Variants in WNK2 observed in about 807,000 individuals in gnomAD.
The protein encoded by WNK2 is WNK lysine deficient protein kinase 2.
WNK2 carries 67 observed loss-of-function variants against 192.1 expected under a neutral mutation model. That is an observed-to-expected ratio of 0.35 (90% CI 0.29 to 0.43). The LOEUF is 0.43. Among genes scored for constraint, WNK2 ranks in the 20% least tolerant of loss-of-function variants. WNK2 has a pLI of 1.00. For synonymous variants in WNK2, 1,439 were observed against 1,393.9 expected, an observed-to-expected ratio of 1.03 and a Z score of -0.72; for missense variants, 2,698 against 3,089.7, an observed-to-expected ratio of 0.87 and a Z score of 3.01.
At chr9:93,214,195 T>C (rs1044019342) in intron 2 of WNK2, among the ~76,000 whole-genome samples, 2 of 152,226 alleles carry the variant, frequency 1.3e-5, no homozygotes, top group African/African-American at 4.8e-5. Flanking sequence ...GCTGTCTCTG[T>C]CTAAAGAGTC....
chr9:93,247,900 G>A lies in WNK2; in HGVS notation c.1834+66G>A. The A allele has an allele frequency of 6.8e-7, 1 of 1,480,246 alleles. No individual in the cohort carries two copies. The highest frequency in any genetic ancestry group is 9.0e-7 in the Non-Finnish European group (1 of 1,115,386). 91.7% of individuals were successfully genotyped at this position (1,480,246 alleles called of 1,614,324 possible). A position where few individuals can be genotyped will look rare whatever the true frequency, so the allele number is the denominator to read the frequency against. ...ACCTACCCTGCAAAAACCAGCTATTGGGCAAAGAAAAATGAAGTCCTCTCC... is the reference window on the plus strand; with the variant it reads ...ACCTACCCTGCAAAAACCAGCTATTAGGCAAAGAAAAATGAAGTCCTCTCC... On this transcript the variant is annotated intron_variant, in intron 8 of 29. Transcript: ENST00000427277. The surrounding 1 kb of genome is among the most constrained non-coding windows in gnomAD (Gnocchi z 5.2).
chr9:93,308,872 A>G, intron 28 of WNK2: 1 of 1,313,282 alleles, frequency 7.6e-7, no homozygotes, highest in Non-Finnish European at 9.7e-7. Flanking sequence ...CAGCCTGGGC[A>G]GCCCAAGCCC....
At chr9:93,291,541 G>A (rs746277483) in intron 21 of WNK2, among the ~76,000 whole-genome samples, 2 of 152,294 alleles carry the variant, frequency 1.3e-5, no homozygotes, top group South Asian at 2.1e-4. Flanking sequence ...TTGGGGACAC[G>A]TGACAGGGAC....
At chr9:93,264,168 T>C (rs1844801407) in intron 16 of WNK2, 135 bp downstream of exon 16, 4 of 682,146 alleles carry the variant, frequency 5.9e-6, no homozygotes, top group Admixed American at 4.4e-5. Context: ...TTCGGGACAG[T>C]GCTGACCTTT....
At position 93,247,045 on chromosome 9, in the gene WNK2, C is replaced by T. The variant is rs1220158814; in HGVS notation, c.1543-498C>T. On this transcript the variant is annotated intron_variant, in intron 7 of 29. Transcript: ENST00000427277. This position sits in a 1 kb window ranked among gnomAD's most constrained non-coding sequence, Gnocchi z 5.2. ...ATCAGTTTTAAAATTTGCCAGGCAT[C>T]AGTGCATACCTTACTGGTCCCTAAT... Among the ~76,000 whole-genome samples the T allele has an allele frequency of 6.6e-6, 1 of 152,230 alleles. No individual in the cohort carries two copies. Among genetic ancestry groups the T allele is most frequent in the Non-Finnish European group, 1.5e-5 (1 of 68,042 alleles).
intron 2 of WNK2, among the ~76,000 whole-genome samples, chr9:93,212,930 TC>T (rs1299523566): frequency 1.3e-5 from 2 of 152,212 alleles, no homozygotes; most frequent in African/African-American, 2.4e-5. Flanking sequence ...TTGGGGCTGT[TC>T]CCACCTTTTG....
At chr9:93,295,609 A>G (rs1336455058) in intron 23 of WNK2, among the ~76,000 whole-genome samples, 2 of 151,888 alleles carry the variant, frequency 1.3e-5, no homozygotes, top group Non-Finnish European at 2.9e-5. Context: ...GCCTCCAGCC[A>G]GGGCCCCTGG....
intron 28 of WNK2, among the ~76,000 whole-genome samples, chr9:93,310,007 A>G (rs1236234351): frequency 6.6e-6 from 1 of 152,242 alleles, no homozygotes; most frequent in African/African-American, 2.4e-5. Context: ...GCACTGTGGT[A>G]GGAGAGCAGA....
chr9:93,210,233 G>A (rs1253242105), intron 2 of WNK2, among the ~76,000 whole-genome samples: 2 of 151,934 alleles, frequency 1.3e-5, no homozygotes, highest in Admixed American at 1.3e-4. Flanking sequence ...CCTGAGATTT[G>A]GGGAGGACAG....
At chr9:93,240,210 C>T (rs1268553908) in intron 7 of WNK2, among the ~76,000 whole-genome samples, 2 of 152,054 alleles carry the variant, frequency 1.3e-5, no homozygotes, top group African/African-American at 2.4e-5. Context: ...AACACAGCAC[C>T]CAGGGGATTA....
Position 93,268,763 on chromosome 9 carries a change from C to T in WNK2, c.4033+17C>T. The T allele has an allele frequency of 1.9e-6, 3 of 1,604,640 alleles. No homozygotes were observed. Among genetic ancestry groups the T allele is most frequent in the Non-Finnish European group, 2.5e-6 (3 of 1,176,474 alleles). On this transcript the variant is annotated intron_variant, in intron 19 of 29. Transcript: ENST00000427277. The stretch of plus-strand genomic sequence containing the variant: ...CCAGCCAAGGTATGAGCAGCAGGCG[C>T]CCACACAAGCCCCTCCCTGTTTCAT...
At chr9:93,210,716 C>G (rs1360817806) in intron 2 of WNK2, among the ~76,000 whole-genome samples, 1 of 152,156 alleles carries the variant, frequency 6.6e-6, no homozygotes, top group East Asian at 1.9e-4. Context: ...GATGGGCAGG[C>G]CTGCTGCCTG....
chr9:93,232,319 G>A (rs1838959485), intron 4 of WNK2, among the ~76,000 whole-genome samples: 1 of 152,190 alleles, frequency 6.6e-6, no homozygotes, highest in Non-Finnish European at 1.5e-5. Flanking sequence ...TGGGGGAGCT[G>A]AGTGGTGGAG....
intron 2 of WNK2, among the ~76,000 whole-genome samples, chr9:93,228,857 G>A (rs952976814): frequency 2.0e-5 from 3 of 152,156 alleles, no homozygotes; most frequent in Non-Finnish European, 4.4e-5. Flanking sequence ...AGAGCGTGGC[G>A]AGGGATGGGT....
intron 19 of WNK2, among the ~76,000 whole-genome samples, chr9:93,273,554 C>G (rs772128271): frequency 3.9e-5 from 6 of 152,152 alleles, no homozygotes; most frequent in Non-Finnish European, 8.8e-5. Context: ...GAACTGAAAG[C>G]AGAAATAGAC....
Position 93,289,098 on chromosome 9 carries a change from C to T in WNK2, c.4344C>T (p.Pro1448=), listed in dbSNP as rs761734243. The change falls in exon 20 of 30, where the codon CCC becomes CCT. Residue 1448 remains proline (P), a synonymous_variant. Coordinates refer to ENST00000427277, the MANE Select transcript of WNK2 (RefSeq NM_006648.4). ...ETHEAPLAVQ[P]LVVGLAPCTP... is the part of the protein sequence containing the mutation. ...ACGAGGCCCCGCTTGCTGTGCAGCC[C>T]CTCGTGGTGGGCCTAGCACCTTGCA... The T allele has an allele frequency of 1.9e-6, 3 of 1,608,544 alleles. No individual in the cohort carries two copies. The highest frequency in any genetic ancestry group is 2.2e-5 in the South Asian group (2 of 90,372).
At chr9:93,252,822 A>C (rs1244368447) in intron 8 of WNK2, 61 bp from the exon 9 acceptor site, 2 of 1,319,362 alleles carry the variant, frequency 1.5e-6, no homozygotes, top group African/African-American at 1.5e-5. Flanking sequence ...CAGATGAGCC[A>C]ATGTTTGTTC....
At chr9:93,284,405 T>G (rs955757955) in intron 19 of WNK2, among the ~76,000 whole-genome samples, 2 of 152,224 alleles carry the variant, frequency 1.3e-5, no homozygotes, top group African/African-American at 4.8e-5. Flanking sequence ...TGGTTTAACT[T>G]AATTCGAATA....
At chr9:93,205,549 T>G (rs1164985569) in intron 2 of WNK2, among the ~76,000 whole-genome samples, 3 of 152,052 alleles carry the variant, frequency 2.0e-5, no homozygotes, top group Admixed American at 2.0e-4. Context: ...GCCCCCACTC[T>G]GTCCTTCGGC....
Sources: gnomAD v4.1 joint callset for allele counts (sites outside exome capture counted in the v4.1 genomes callset) on GRCh38, gnomAD v4.1.1 for gene constraint, Gnocchi (gnomAD v3.1) non-coding constraint, MANE v1.5 for transcripts, NCBI Gene and HGNC (gene_info 2026-07-23, HGNC 2026-07-21) for gene names.